GAS2: variants seen among roughly 807,000 people sequenced by gnomAD.
GAS2 encodes the protein growth arrest specific 2, also known as growth arrest-specific protein 2.
In GAS2, 20 loss-of-function variants were observed where a neutral mutation model predicts 37.5. The ratio of observed to expected loss-of-function variants is 0.53; its 90% CI spans 0.37 to 0.77. GAS2 has a LOEUF of 0.77. Ranked by LOEUF, GAS2 falls within the 30% of genes least tolerant of loss-of-function variation. GAS2 has a pLI of 0.00. For synonymous variants in GAS2, 144 were observed against 132.2 expected, an observed-to-expected ratio of 1.09 and a Z score of -0.61; for missense variants, 336 against 373.4, an observed-to-expected ratio of 0.90 and a Z score of 0.82.
chr11:22,682,814 C>T lies in GAS2; in HGVS notation c.146-2854C>T, dbSNP rs185512101. On this transcript the variant is annotated intron_variant, in intron 2 of 7. Transcript: ENST00000454584. ...TGAGCCAAGATCGTGCCACTGCACT[C>T]CAGCCTGACGAGATCGCACCACTGC... Among the ~76,000 whole-genome samples the T allele has an allele frequency of 3.6e-3, 502 of 138,500 alleles. 2 individuals carry two copies. The highest frequency in any genetic ancestry group is 0.013 in the African/African-American group (482 of 38,560). The allele number at this position is 138,500 out of a possible 152,430, so 90.9% of individuals were successfully genotyped here. A position where few individuals can be genotyped will look rare whatever the true frequency, so the allele number is the denominator to read the frequency against.
chr11:22,765,569 G>A (rs1854642689), intron 7 of GAS2, among the ~76,000 whole-genome samples: 1 of 152,168 alleles, frequency 6.6e-6, no homozygotes, highest in Admixed American at 6.5e-5. Context: ...CATGAGATCA[G>A]GAGATTGAGA....
intron 5 of GAS2, among the ~76,000 whole-genome samples, chr11:22,742,647 C>G (rs1024096372): frequency 1.3e-5 from 2 of 152,076 alleles, no homozygotes; most frequent in Admixed American, 6.6e-5. Context: ...AGCGGCATAA[C>G]TAATTTTCAG....
At chr11:22,707,102 AGGT>A (rs1389162013) in intron 3 of GAS2, among the ~76,000 whole-genome samples, 2 of 152,210 alleles carry the variant, frequency 1.3e-5, no homozygotes, top group African/African-American at 4.8e-5. Context: ...TATTGAGACC[AGGT>A]GGACTTGGCA....
chr11:22,773,160 T>C (rs1162182693), intron 7 of GAS2, among the ~76,000 whole-genome samples: 1 of 152,064 alleles, frequency 6.6e-6, no homozygotes, highest in Non-Finnish European at 1.5e-5. Flanking sequence ...GAGGCTGCAG[T>C]CTTCTGTCTG....
chr11:22,791,097 C>T (rs897492534), intron 7 of GAS2, among the ~76,000 whole-genome samples: 8 of 152,104 alleles, frequency 5.3e-5, no homozygotes, highest in Admixed American at 3.3e-4. Context: ...AAATCCCCTT[C>T]CTGAAGACCT....
chr11:22,777,824 A>C (rs141774143), intron 7 of GAS2, among the ~76,000 whole-genome samples: 45 of 152,330 alleles, frequency 3.0e-4, no homozygotes, highest in African/African-American at 1.0e-3. Context: ...GAGCAATAGC[A>C]TGGTACATTG....
At chr11:22,690,422 A>G (rs76718725) in intron 3 of GAS2, among the ~76,000 whole-genome samples, 3,010 of 152,208 alleles carry the variant, frequency 0.02, 104 homozygotes, top group African/African-American at 0.068. Context: ...GTGAGCTCTA[A>G]GTAGTTAACC....
In GAS2 at chr11:22,783,185, C is replaced by T. The variant is rs369265200; in HGVS notation, c.723+27232C>T. ...CATTGTGGCTTTGATTTGTATTTCTCTGATGATTAGTGATGATGAGCATTT... is the reference window on the plus strand; with the variant it reads ...CATTGTGGCTTTGATTTGTATTTCTTTGATGATTAGTGATGATGAGCATTT... On this transcript the variant is annotated intron_variant, in intron 7 of 7. Transcript: ENST00000454584. 5.9e-5 allele frequency among the ~76,000 whole-genome samples: 9 copies of T among 151,964 alleles called. No individual in the cohort carries two copies. The East Asian group carries it at 9.7e-4, about 16-fold the overall frequency.
intron 1 of GAS2, among the ~76,000 whole-genome samples, chr11:22,644,437 A>G (rs187148982): frequency 7.9e-5 from 12 of 152,298 alleles, no homozygotes; most frequent in Admixed American, 7.8e-4. Flanking sequence ...GAGGCTTTAC[A>G]GAGAATATTC....
chr11:22,801,682 A>G (rs1792734911), intron 7 of GAS2, among the ~76,000 whole-genome samples: 1 of 152,122 alleles, frequency 6.6e-6, no homozygotes, highest in East Asian at 1.9e-4. Context: ...GATGGGGAAT[A>G]AAGATGTGGT....
At chr11:22,706,008 G>C (rs1336086383) in intron 3 of GAS2, among the ~76,000 whole-genome samples, 1 of 152,180 alleles carries the variant, frequency 6.6e-6, no homozygotes, top group African/African-American at 2.4e-5. Context: ...TGATGACTTT[G>C]AGGAAGTAAA....
intron 3 of GAS2, among the ~76,000 whole-genome samples, chr11:22,687,157 T>C (rs1363003735): frequency 6.6e-6 from 1 of 151,986 alleles, no homozygotes; most frequent in Non-Finnish European, 1.5e-5. Flanking sequence ...AAGCACCATC[T>C]GTAAGAAAAA....
intron 3 of GAS2, among the ~76,000 whole-genome samples, chr11:22,691,249 C>A (rs1386945517): frequency 6.6e-6 from 1 of 152,130 alleles, no homozygotes; most frequent in African/African-American, 2.4e-5. Context: ...AGATAGAATG[C>A]CTACAATACA....
At chr11:22,680,382 G>A (rs1379494601) in intron 2 of GAS2, among the ~76,000 whole-genome samples, 1 of 151,950 alleles carries the variant, frequency 6.6e-6, no homozygotes, top group African/African-American at 2.4e-5. Flanking sequence ...GCTGGTCTAG[G>A]GATTTTGCAT....
chr11:22,681,278 A>G (rs1167173961), intron 2 of GAS2, among the ~76,000 whole-genome samples: 1 of 150,212 alleles, frequency 6.7e-6, no homozygotes, highest in East Asian at 1.9e-4. Flanking sequence ...CATGTTGATT[A>G]TAGTTGCCTG....
chr11:22,651,989 G>A (rs1019671472), intron 1 of GAS2, among the ~76,000 whole-genome samples: 21 of 152,288 alleles, frequency 1.4e-4, no homozygotes, highest in Admixed American at 3.3e-4. Flanking sequence ...GAGGAGGAGA[G>A]GTGCTCTGCT....
chr11:22,717,470 G>C (rs886885908), intron 3 of GAS2, among the ~76,000 whole-genome samples: 1 of 151,948 alleles, frequency 6.6e-6, no homozygotes, highest in Non-Finnish European at 1.5e-5. Context: ...CTGGATCTCT[G>C]TCTCTCACCT....
intron 6 of GAS2, among the ~76,000 whole-genome samples, chr11:22,750,674 A>G (rs758815494): frequency 1.2e-4 from 18 of 152,048 alleles, no homozygotes; most frequent in Admixed American, 5.2e-4. Flanking sequence ...TTATTAGTAG[A>G]TAATGATCTA....
At chr11:22,770,789 A>T (rs557842496) in intron 7 of GAS2, among the ~76,000 whole-genome samples, 2 of 152,360 alleles carry the variant, frequency 1.3e-5, no homozygotes, top group Admixed American at 6.5e-5. Context: ...GGAAATAGTT[A>T]TTCTCATTGT....
Sources: allele counts gnomAD v4.1 joint callset (sites outside exome capture counted in the v4.1 genomes callset), GRCh38; gene constraint gnomAD v4.1.1; transcripts MANE v1.5; gene names NCBI Gene and HGNC (gene_info 2026-07-23, HGNC 2026-07-21).